Variants in BLOC1S1 observed in about 807,000 individuals in gnomAD.
The protein encoded by BLOC1S1 is biogenesis of lysosomal organelles complex 1 subunit 1, also known as biogenesis of lysosome-related organelles complex 1 subunit 1.
Under a neutral mutation model 19.0 loss-of-function variants are expected in BLOC1S1, and 11 were observed. The ratio of observed to expected loss-of-function variants is 0.58; its 90% confidence interval spans 0.37 to 0.96. The LOEUF (loss-of-function observed/expected upper bound fraction) is 0.96, where lower values mean the gene tolerates loss of function less well. Ranked by LOEUF, BLOC1S1 falls within the 40% of genes least tolerant of loss-of-function variation. The probability of loss-of-function intolerance (pLI) is 0.01; values close to 1 mark genes in which losing one functional copy is unlikely to be tolerated. For synonymous variants in BLOC1S1, 94 were observed against 76.4 expected (o/e 1.23, Z -1.20); for missense variants, 220 against 195.9 (o/e 1.12, Z -0.73).
Position 55,719,134 on chromosome 12 carries a change from G to A in BLOC1S1, c.262G>A (p.Val88Met). Residue 88 changes from valine (V) to methionine (M), a missense_variant, in exon 3 of 4, where the codon GTG becomes ATG. Physicochemically the swap from Val to Met is conservative, Grantham distance 21 (BLOSUM62 1). Transcript: ENST00000548925. ...GAACCAGAGAAAGCTGGACCATGAG[G>A]TGAAGACCCTACAGGTCCAGGCTGC... is the stretch of plus-strand genomic sequence containing the variant. Reference protein sequence around the residue: ...YMNQRKLDHEVKTLQVQAAQF... With the variant: ...YMNQRKLDHEMKTLQVQAAQF... The A allele has an allele frequency of 6.2e-7, 1 of 1,613,934 alleles. No homozygotes were observed. The highest frequency in any genetic ancestry group is 8.5e-7 in the Non-Finnish European group (1 of 1,179,992).
Position 55,716,726 on chromosome 12 carries a change from A to G in BLOC1S1, c.146-207A>G, listed in dbSNP as rs542735807. The G allele has an allele frequency of 1.8e-5, 23 of 1,298,724 alleles. No homozygotes were observed. In the African/African-American group the frequency reaches 1.9e-4, roughly 11 times the overall value. 80.5% of individuals were successfully genotyped at this position (1,298,724 alleles called of 1,614,324 possible). ...CTTCCTGGCGTCCCTGAGTGAGTCC[A>G]TTTCCCTCCCAGGGTACCAGTTTCC... is the stretch of plus-strand genomic sequence containing the variant. On this transcript the variant is annotated intron_variant, in intron 1 of 3. Transcript: ENST00000548925.
chr12:55,716,337 A>T, intron 1 of BLOC1S1, 141 bp downstream of exon 1: 1 of 1,480,030 alleles, frequency 6.8e-7, no homozygotes, highest in South Asian at 1.3e-5. Context: ...GGAATTTCAG[A>T]GAGGCTTTTT....
chr12:55,716,856 G>A (rs1335161929), intron 1 of BLOC1S1, 77 bp from the exon 2 acceptor site: 1 of 1,412,088 alleles, frequency 7.1e-7, no homozygotes, highest in Non-Finnish European at 9.6e-7. Context: ...GAATAGTAAT[G>A]GATGGGTAGG....
Position 55,716,167 on chromosome 12 carries a change from C to G in BLOC1S1, c.116C>G (p.Ala39Gly). ...TCCCGCCTCCTAAAAGAACACCAGG[C>G]CAAGCAGAATGAACGCAAGGAGCTG... ...MLSRLLKEHQ[A>G]KQNERKELQE... Residue 39 changes from alanine to glycine, a missense_variant, in exon 1 of 4, where the codon GCC (alanine) becomes GGC (glycine). By Grantham distance (60) the Ala-to-Gly change is moderately conservative. Transcript: ENST00000548925. The G allele has an allele frequency of 6.2e-7, 1 of 1,612,412 alleles. No individual in the cohort carries two copies. The highest frequency in any genetic ancestry group is 1.1e-5 in the South Asian group (1 of 90,856).
chr12:55,717,208 G>A (rs549555300), intron 2 of BLOC1S1, among the ~76,000 whole-genome samples: 32 of 152,280 alleles, frequency 2.1e-4, no homozygotes, highest in African/African-American at 6.5e-4. Context: ...AACAGCTGCC[G>A]TGGTTAGAGA....
intron 2 of BLOC1S1, among the ~76,000 whole-genome samples, chr12:55,718,882 C>T (rs950143036): frequency 5.3e-5 from 8 of 152,210 alleles, no homozygotes; most frequent in Non-Finnish European, 7.4e-5. Context: ...TAGTCAGCTC[C>T]GAGCTTGGCT....
intron 2 of BLOC1S1, among the ~76,000 whole-genome samples, 174 bp from the exon 3 acceptor site, chr12:55,718,917 G>C (rs1272290843): frequency 6.7e-6 from 1 of 149,814 alleles, no homozygotes; most frequent in East Asian, 1.9e-4. Context: ...GGGAGTGAAA[G>C]GAAGGAGCTG....
chr12:55,718,280 C>T (rs1262984656), intron 2 of BLOC1S1, among the ~76,000 whole-genome samples: 1 of 152,166 alleles, frequency 6.6e-6, no homozygotes, highest in African/African-American at 2.4e-5. Context: ...GTGGGGGCAC[C>T]GGATGTGGAA....
At chr12:55,719,301 G>C (rs758422764) in intron 3 of BLOC1S1, 78 bp downstream of exon 3, 2 of 1,608,074 alleles carry the variant, frequency 1.2e-6, no homozygotes, top group African/African-American at 2.7e-5. Flanking sequence ...CTCAGGTTTA[G>C]GTTAAGGAGG....
intron 1 of BLOC1S1, 113 bp from the exon 2 acceptor site, chr12:55,716,815 GAGATT>G: frequency 3.9e-6 from 5 of 1,283,420 alleles, no homozygotes; most frequent in Non-Finnish European, 5.3e-6. Flanking sequence ...CCGGCATTCA[GAGATT>G]AGTTAAGAAA....
Position 55,719,551 on chromosome 12 carries a change from C to T in BLOC1S1, c.404C>T (p.Thr135Ile). The T allele has an allele frequency of 1.9e-6, 3 of 1,614,192 alleles. No individual in the cohort carries two copies. Among genetic ancestry groups the T allele is most frequent in the South Asian group, 1.1e-5 (1 of 91,088 alleles). ...CGGAGCATCGAGCTGGACATGCGCA[C>T]CATTGCCACTGCACTGGAATATGTC... ...WARSIELDMR[T>I]IATALEYVYK... Residue 135 changes from threonine (T) to isoleucine (I), a missense_variant, in exon 4 of 4, where the codon ACC (threonine) becomes ATC (isoleucine). Physicochemically the swap from Thr to Ile is moderately conservative, Grantham distance 89 (BLOSUM62 -1). Coordinates refer to ENST00000548925, the MANE Select transcript of BLOC1S1 (RefSeq NM_001487.4).
intron 2 of BLOC1S1, among the ~76,000 whole-genome samples, chr12:55,717,918 G>A (rs1277867904): frequency 2.0e-5 from 3 of 152,134 alleles, no homozygotes; most frequent in Non-Finnish European, 2.9e-5. Context: ...GTTCCTACCC[G>A]ACCCTTGACA....
Position 55,719,662 on chromosome 12 carries a change from G to T in BLOC1S1, c.*53G>T. 6.8e-7 allele frequency: 1 copy of T among 1,481,388 alleles called. No homozygotes were observed. Among genetic ancestry groups the T allele is most frequent in the Non-Finnish European group, 9.4e-7 (1 of 1,064,054 alleles). The allele number at this position is 1,481,388 out of a possible 1,614,324, so 91.8% of individuals were successfully genotyped here. A position where few individuals can be genotyped will look rare whatever the true frequency, so the allele number is the denominator to read the frequency against. On this transcript the variant is annotated 3_prime_UTR_variant, in exon 4 of 4. Coordinates refer to ENST00000548925, the MANE Select transcript of BLOC1S1 (RefSeq NM_001487.4). ...CTCCTACCTCACCCGCAGGGGGAAGGAGGGAGGCTGACAAGCCTTGAATAA... is the reference window on the plus strand; with the variant it reads ...CTCCTACCTCACCCGCAGGGGGAAGTAGGGAGGCTGACAAGCCTTGAATAA...
chr12:55,718,492 ATGTGTG>A (rs5798357), intron 2 of BLOC1S1, among the ~76,000 whole-genome samples: 315 of 149,994 alleles, frequency 2.1e-3, no homozygotes, highest in African/African-American at 7.2e-3. Context: ...GAGGGAGAGC[ATGTGTG>A]TGTGTGTGTG....
intron 1 of BLOC1S1, 133 bp from the exon 2 acceptor site, chr12:55,716,800 C>T (rs1353078933): frequency 1.6e-6 from 2 of 1,258,220 alleles, no homozygotes; most frequent in Non-Finnish European, 1.1e-6. Flanking sequence ...AGGTCCTTTT[C>T]AGCTCCGGCA....
intron 2 of BLOC1S1, 71 bp from the exon 3 acceptor site, chr12:55,719,020 A>T: frequency 6.5e-7 from 1 of 1,547,656 alleles, no homozygotes; most frequent in Non-Finnish European, 8.7e-7. Context: ...CCACTGCTGC[A>T]ATGGAATATT....
chr12:55,716,846 G>T, intron 1 of BLOC1S1, 87 bp from the exon 2 acceptor site: 1 of 1,387,128 alleles, frequency 7.2e-7, no homozygotes, highest in South Asian at 1.4e-5. Context: ...GCAACTAGCA[G>T]AATAGTAATG....
At chr12:55,716,341 G>T in intron 1 of BLOC1S1, 145 bp downstream of exon 1, 1 of 1,475,178 alleles carries the variant, frequency 6.8e-7, no homozygotes. Flanking sequence ...TTTCAGAGAG[G>T]CTTTTTTTGA....
Position 55,719,500 on chromosome 12 carries a change from A to C in BLOC1S1, c.353A>C (p.Glu118Ala). 1 of 1,613,882 alleles carries C rather than the reference A, an allele frequency of 6.2e-7. No individual in the cohort carries two copies. Among genetic ancestry groups the C allele is most frequent in the Non-Finnish European group, 8.5e-7 (1 of 1,179,760 alleles). The change falls in exon 4 of 4, where the codon GAA becomes GCA. Residue 118 changes from glutamate (E) to alanine (A), a missense_variant and splice_region_variant. Transcript: ENST00000548925. ...CCCACCTCCTCTCCCCCTTCCCAGG[A>C]AATTGGGGATGTGGAGAACTGGGCT... ...MVENFNQALK[E>A]IGDVENWARS...
Sources: gnomAD v4.1 joint callset for allele counts (sites outside exome capture counted in the v4.1 genomes callset) on GRCh38, gnomAD v4.1.1 for gene constraint, MANE v1.5 for transcripts, NCBI Gene and HGNC (gene_info 2026-07-23, HGNC 2026-07-21) for gene names.